The following SPIRE1 variants were observed in gnomAD, a reference collection of about 807,000 sequenced individuals.
The protein encoded by SPIRE1 is protein spire homolog 1.
In SPIRE1, 40 loss-of-function variants were observed where a neutral mutation model predicts 94.1. The ratio of observed to expected loss-of-function variants is 0.43; its 90% CI spans 0.33 to 0.55. The LOEUF is 0.55. SPIRE1 is among the 20% of genes least tolerant of loss of function. The pLI is 0.06. For synonymous variants in SPIRE1, 376 were observed against 371.7 expected, an observed-to-expected ratio of 1.01 and a Z score of -0.13; for missense variants, 838 against 975.2, an observed-to-expected ratio of 0.86 and a Z score of 1.87.
chr18:12,524,574 T>A (rs2034448250), intron 4 of SPIRE1, among the ~76,000 whole-genome samples: 1 of 152,216 alleles, frequency 6.6e-6, no homozygotes, highest in South Asian at 2.1e-4. Context: ...TATAACAGAT[T>A]GGAAGGCAAA....
chr18:12,563,701 T>C (rs1349359885), intron 2 of SPIRE1, among the ~76,000 whole-genome samples: 1 of 152,150 alleles, frequency 6.6e-6, no homozygotes, highest in African/African-American at 2.4e-5. Flanking sequence ...TTTAGAAGAT[T>C]CTTGGGGCAA....
intron 2 of SPIRE1, among the ~76,000 whole-genome samples, chr18:12,567,323 A>G (rs2035845112): frequency 6.6e-6 from 1 of 152,232 alleles, no homozygotes; most frequent in South Asian, 2.1e-4. Flanking sequence ...AAATGAAAGA[A>G]CTAAAGACAC....
chr18:12,483,721 T>C (rs2032929930), intron 9 of SPIRE1, among the ~76,000 whole-genome samples: 1 of 152,034 alleles, frequency 6.6e-6, no homozygotes, highest in Non-Finnish European at 1.5e-5. Context: ...AGTTCAGAGT[T>C]ATCATCTACA....
intron 8 of SPIRE1, among the ~76,000 whole-genome samples, chr18:12,491,593 C>T (rs1229998224): frequency 6.6e-6 from 1 of 151,938 alleles, no homozygotes; most frequent in Non-Finnish European, 1.5e-5. Flanking sequence ...ATCTCCTGGG[C>T]TCAAGTGATC....
intron 7 of SPIRE1, among the ~76,000 whole-genome samples, chr18:12,493,500 G>A (rs770790476): frequency 4.6e-5 from 7 of 152,108 alleles, no homozygotes; most frequent in Non-Finnish European, 7.4e-5. Context: ...TCTGCCTCCC[G>A]GGTTCAAGCG....
intron 2 of SPIRE1, among the ~76,000 whole-genome samples, chr18:12,582,789 C>T (rs11664013): frequency 0.17 from 26,035 of 152,098 alleles, 2,554 homozygotes; most frequent in Middle Eastern, 0.24. Context: ...TCCATCCCTT[C>T]ATTCGTTCAA....
chr18:12,469,278 C>T (rs958693755), intron 10 of SPIRE1, among the ~76,000 whole-genome samples: 6 of 151,940 alleles, frequency 3.9e-5, no homozygotes, highest in East Asian at 3.8e-4. Context: ...TCTCAGATCA[C>T]TGCAATTTCC....
At chr18:12,469,138 T>C (rs901905338) in intron 10 of SPIRE1, among the ~76,000 whole-genome samples, 48 of 152,322 alleles carry the variant, frequency 3.2e-4, no homozygotes, top group African/African-American at 1.2e-3. Context: ...GATATGGTTC[T>C]AGGGGAATTA....
chr18:12,628,608 G>A (rs983086369), intron 2 of SPIRE1, among the ~76,000 whole-genome samples: 2 of 152,064 alleles, frequency 1.3e-5, no homozygotes, highest in Admixed American at 1.3e-4. Flanking sequence ...AGCTTGATGG[G>A]GATGGCATTG....
intron 2 of SPIRE1, among the ~76,000 whole-genome samples, chr18:12,561,555 C>A (rs781569307): frequency 1.3e-5 from 2 of 152,164 alleles, no homozygotes; most frequent in Non-Finnish European, 2.9e-5. Flanking sequence ...CTTGAGCCAC[C>A]GTGCCTGGCC....
chr18:12,620,530 T>G (rs1393695099), intron 2 of SPIRE1, among the ~76,000 whole-genome samples: 1 of 152,190 alleles, frequency 6.6e-6, no homozygotes, highest in Non-Finnish European at 1.5e-5. Flanking sequence ...TGATTTTCAA[T>G]CAGGGTGATA....
intron 2 of SPIRE1, among the ~76,000 whole-genome samples, chr18:12,576,691 C>A (rs919562710): frequency 4.0e-5 from 6 of 151,254 alleles, no homozygotes; most frequent in Non-Finnish European, 7.4e-5. Flanking sequence ...AGATCGAGAC[C>A]ATCCTGGCTA....
intron 2 of SPIRE1, among the ~76,000 whole-genome samples, chr18:12,599,438 T>C (rs7226376): frequency 6.6e-6 from 1 of 151,956 alleles, no homozygotes; most frequent in Non-Finnish European, 1.5e-5. Context: ...TTTAAAAAAA[T>C]TTTTTTATAG....
At chr18:12,532,471 T>G (rs2034711460) in intron 4 of SPIRE1, among the ~76,000 whole-genome samples, 1 of 152,210 alleles carries the variant, frequency 6.6e-6, no homozygotes, top group Non-Finnish European at 1.5e-5. Context: ...TATGCATTCA[T>G]GCACACACAT....
At chr18:12,457,428 G>C (rs2031561523) in intron 12 of SPIRE1, among the ~76,000 whole-genome samples, 1 of 152,178 alleles carries the variant, frequency 6.6e-6, no homozygotes, top group South Asian at 2.1e-4. Flanking sequence ...CTGGAATGTG[G>C]AGGGCACTCA....
chr18:12,588,368 C>A (rs1053693785), intron 2 of SPIRE1: 2 of 152,298 alleles, frequency 1.3e-5, no homozygotes, highest in African/African-American at 2.4e-5. Context: ...ATAAAAAGTA[C>A]TACTTACAGT....
chr18:12,556,647 G>C (rs12964660), intron 2 of SPIRE1, among the ~76,000 whole-genome samples: 1 of 151,592 alleles, frequency 6.6e-6, no homozygotes, highest in African/African-American at 2.4e-5. Flanking sequence ...AGCTCTTAAA[G>C]GCCCAGGGCA....
Position 12,657,230 on chromosome 18 carries a change from G to C in SPIRE1, c.337+300C>G, listed in dbSNP as rs567183552. 8.1e-5 allele frequency among the ~76,000 whole-genome samples: 12 copies of C among 147,928 alleles called. 1 individual carries two copies. The highest frequency in any genetic ancestry group is 2.7e-4 in the Admixed American group (4 of 14,962). On this transcript the variant is annotated intron_variant, in intron 1 of 16. Transcript: ENST00000409402. Reference sequence around the variant, plus strand: ...GCTCCCAAACGCGCCGCGGGCAGCTGTCCCGCGGGCAGCACAATGACGAGC... The same window carrying C: ...GCTCCCAAACGCGCCGCGGGCAGCTCTCCCGCGGGCAGCACAATGACGAGC...
chr18:12,558,036 A>G (rs537506850), intron 2 of SPIRE1, among the ~76,000 whole-genome samples: 1 of 152,328 alleles, frequency 6.6e-6, no homozygotes, highest in African/African-American at 2.4e-5. Flanking sequence ...ATACTGGATT[A>G]AAGACTTAAA....
Sources: allele counts gnomAD v4.1 joint callset (sites outside exome capture counted in the v4.1 genomes callset), GRCh38; gene constraint gnomAD v4.1.1; transcripts MANE v1.5; gene names NCBI Gene and HGNC (gene_info 2026-07-23, HGNC 2026-07-21).